Variants in ADCY3 observed in about 807,000 individuals in gnomAD.
ADCY3 encodes the protein adenylate cyclase type 3.
ADCY3 carries 70 observed loss-of-function variants against 119.4 expected under a neutral mutation model. The ratio of observed to expected loss-of-function variants is 0.59; its 90% CI spans 0.48 to 0.72. The LOEUF (loss-of-function observed/expected upper bound fraction) is 0.72, where lower values mean the gene tolerates loss of function less well. ADCY3 is among the 30% of genes least tolerant of loss of function. The pLI is 0.00. For synonymous variants in ADCY3, 672 were observed against 621.4 expected (o/e 1.08, Z -1.21); for missense variants, 1,238 against 1,541.6 (o/e 0.80, Z 3.30).
intron 21 of ADCY3, 44 bp from the exon 22 acceptor site, chr2:24,820,158 C>CAAGAA: frequency 6.8e-7 from 1 of 1,477,142 alleles, no homozygotes; most frequent in East Asian, 2.3e-5. Flanking sequence ...ACGGGGGGAG[C>CAAGAA]CTAGACTGAG....
At position 24,841,533 on chromosome 2, in the gene ADCY3, G is replaced by T; in HGVS notation, c.1068+23C>A. On this transcript the variant is annotated intron_variant, in intron 5 of 21. Coordinates refer to ENST00000679454, the MANE Select transcript of ADCY3 (RefSeq NM_004036.5). The surrounding 1 kb of genome is among the most constrained non-coding windows in gnomAD (Gnocchi z 5.8). ...CCATGAGGGCAGGCCCCGCTGGAGA[G>T]CCAGGCGGGGCCAGGGACTTACAGC... 7.5e-6 allele frequency: 12 copies of T among 1,601,606 alleles called. No homozygotes were observed. The highest frequency in any genetic ancestry group is 9.4e-6 in the Non-Finnish European group (11 of 1,171,494).
chr2:24,911,012 A>G (rs1457825603), intron 2 of ADCY3, among the ~76,000 whole-genome samples: 1 of 151,922 alleles, frequency 6.6e-6, no homozygotes, highest in African/African-American at 2.4e-5. Context: ...ATAATGTAAC[A>G]ACGCCTCCTA....
intron 15 of ADCY3, 66 bp downstream of exon 15, chr2:24,827,480 G>C (rs187117013): frequency 2.9e-4 from 437 of 1,529,364 alleles, no homozygotes; most frequent in Non-Finnish European, 3.7e-4. Flanking sequence ...GCTTGGGCCT[G>C]TTATATTCCT....
chr2:24,850,166 G>C (rs1672128112), intron 3 of ADCY3, among the ~76,000 whole-genome samples: 2 of 152,098 alleles, frequency 1.3e-5, no homozygotes, highest in East Asian at 3.9e-4. Context: ...AGGGGTGTCT[G>C]TTCCTCCCTC....
chr2:24,865,489 CTGTGTGTGTGTGTGTGTGTGTG>C (rs3222240), intron 3 of ADCY3, among the ~76,000 whole-genome samples: 15 of 140,528 alleles, frequency 1.1e-4, no homozygotes, highest in African/African-American at 1.5e-4. Flanking sequence ...AGGCTATCAT[CTGTGTGTGTGTGTGTGTGTGTG>C]TGTGTGTGTG....
intron 2 of ADCY3, among the ~76,000 whole-genome samples, chr2:24,873,363 A>C (rs1053493219): frequency 3.9e-5 from 6 of 152,190 alleles, no homozygotes; most frequent in African/African-American, 1.4e-4. Flanking sequence ...AGGGGTGCCC[A>C]GTACCAATAC....
rs1375885597 is a variant in ADCY3, at chr2:24,834,518, C to T, written c.1934G>A (p.Cys645Tyr). 3 of 1,613,400 alleles carry T rather than the reference C, an allele frequency of 1.9e-6. No individual in the cohort carries two copies. The Admixed American group carries it at 5.0e-5, about 27-fold the overall frequency. Residue 645 changes from cysteine (C) to tyrosine (Y), a missense_variant, in exon 11 of 22, where the codon TGC becomes TAC. Physicochemically the swap from Cys to Tyr is radical, Grantham distance 194 (BLOSUM62 -2). This residue lies in a region of ADCY3 where 499 missense variants were observed against 571.0 expected (regional missense o/e 0.87). Coordinates refer to ENST00000679454, the MANE Select transcript of ADCY3 (RefSeq NM_004036.5). The surrounding 1 kb of genome is among the most constrained non-coding windows in gnomAD (Gnocchi z 4.2). ...GATGAGTATCTCGACCAGGGCCGTG[C>T]AGAGCAGGACGACGCAGGAGCAGCT... ...AFSCSCVVLL[C>Y]TALVEILIDP... is the part of the protein sequence containing the mutation.
intron 3 of ADCY3, among the ~76,000 whole-genome samples, chr2:24,865,486 CATCTG>C (rs1558472076): frequency 8.9e-6 from 1 of 112,936 alleles, no homozygotes; most frequent in Non-Finnish European, 1.9e-5. Context: ...AATAGGCTAT[CATCTG>C]TGTGTGTGTG....
intron 8 of ADCY3, 101 bp from the exon 9 acceptor site, chr2:24,837,146 G>A: frequency 1.5e-6 from 2 of 1,318,344 alleles, no homozygotes; most frequent in Non-Finnish European, 2.1e-6. Context: ...GGATTAGAGA[G>A]CAATCTGAGG....
intron 2 of ADCY3, among the ~76,000 whole-genome samples, chr2:24,909,238 A>G (rs1663285150): frequency 6.6e-6 from 1 of 152,148 alleles, no homozygotes; most frequent in Non-Finnish European, 1.5e-5. Context: ...AGCCTCCTGC[A>G]CCATGTCGAC....
chr2:24,849,558 A>G (rs941962399), intron 3 of ADCY3, among the ~76,000 whole-genome samples: 3 of 152,228 alleles, frequency 2.0e-5, no homozygotes, highest in African/African-American at 7.2e-5. Context: ...TCAAACTTAA[A>G]TAACAAGAAA....
intron 2 of ADCY3, among the ~76,000 whole-genome samples, chr2:24,915,149 C>G (rs192547159): frequency 4.8e-4 from 73 of 152,316 alleles, no homozygotes; most frequent in Admixed American, 8.5e-4. Context: ...ACAGCAGCAA[C>G]AAAACCACAA....
At chr2:24,904,356 C>G (rs1251440575) in intron 2 of ADCY3, among the ~76,000 whole-genome samples, 3 of 151,836 alleles carry the variant, frequency 2.0e-5, no homozygotes, top group African/African-American at 7.3e-5. Flanking sequence ...ATGGCGAAAC[C>G]CCATCTCTAC....
At chr2:24,862,666 G>A (rs1260518435) in intron 3 of ADCY3, among the ~76,000 whole-genome samples, 3 of 152,054 alleles carry the variant, frequency 2.0e-5, no homozygotes, top group African/African-American at 7.2e-5. Flanking sequence ...GGCACAACAT[G>A]GTGAGTGTAC....
intron 7 of ADCY3, 98 bp from the exon 8 acceptor site, chr2:24,838,720 G>A (rs1172635463): frequency 1.8e-5 from 28 of 1,586,996 alleles, no homozygotes; most frequent in Non-Finnish European, 2.2e-5. Flanking sequence ...GCTGCTGCTC[G>A]GCCCCGTGTC....
At position 24,823,194 on chromosome 2, in the gene ADCY3, G is replaced by A. The variant is rs897000384; in HGVS notation, c.2883+15C>T. Reference sequence around the variant, plus strand: ...CGGCTTCATGGCCAGAGTGCAGGGTGGGATGGGCACTCACAGAGTCAAAAT... The same window carrying A: ...CGGCTTCATGGCCAGAGTGCAGGGTAGGATGGGCACTCACAGAGTCAAAAT... On this transcript the variant is annotated intron_variant, in intron 18 of 21. Transcript: ENST00000679454. 8.1e-6 allele frequency: 13 copies of A among 1,610,204 alleles called. No individual in the cohort carries two copies. The highest frequency in any genetic ancestry group is 2.0e-4 in the Middle Eastern group (1 of 4,950).
In ADCY3 at chr2:24,919,015, G is replaced by C. The variant is rs1192061214; in HGVS notation, c.-28C>G. ...TGGCTGGTGTCTGCTACTGGCCCTAGAGAAGTGGACTGGGAACGGAGGAAG... is the reference window on the plus strand; with the variant it reads ...TGGCTGGTGTCTGCTACTGGCCCTACAGAAGTGGACTGGGAACGGAGGAAG... On this transcript the variant is annotated 5_prime_UTR_variant, in exon 2 of 22. Transcript: ENST00000679454. The surrounding 1 kb of genome is among the most constrained non-coding windows in gnomAD (Gnocchi z 5.5). 6.6e-7 allele frequency: 1 copy of C among 1,522,858 alleles called. No homozygotes were observed. The highest frequency in any genetic ancestry group is 1.2e-5 in the South Asian group (1 of 81,648). The allele number at this position is 1,522,858 out of a possible 1,614,324, so 94.3% of individuals were successfully genotyped here. A position where few individuals can be genotyped will look rare whatever the true frequency, so the allele number is the denominator to read the frequency against.
chr2:24,832,791 G>A (rs929534316), intron 11 of ADCY3, among the ~76,000 whole-genome samples: 1 of 152,150 alleles, frequency 6.6e-6, no homozygotes, highest in Non-Finnish European at 1.5e-5. Context: ...ATGGATGCTG[G>A]CCTCCTTGGC....
rs148888974 is a variant in ADCY3 at position 24,845,439 on chromosome 2, T to C, written c.826-3055A>G. On this transcript the variant is annotated intron_variant, in intron 3 of 21. Coordinates refer to ENST00000679454, the MANE Select transcript of ADCY3 (RefSeq NM_004036.5). Reference sequence around the variant, plus strand: ...GGAACTGGAGCAAAGGTGACTGTTATGTTTTAGCAAAGAGATTGGTGGCAT... The same window carrying C: ...GGAACTGGAGCAAAGGTGACTGTTACGTTTTAGCAAAGAGATTGGTGGCAT... Among the ~76,000 whole-genome samples the C allele has an allele frequency of 6.2e-3, 944 of 152,358 alleles. 11 individuals are homozygous for C. Among genetic ancestry groups the C allele is most frequent in the African/African-American group, 0.019 (809 of 41,576 alleles).
Sources: allele counts gnomAD v4.1 joint callset (sites outside exome capture counted in the v4.1 genomes callset), GRCh38; gene constraint gnomAD v4.1.1; regional missense constraint gnomAD v4.1.1; non-coding constraint Gnocchi (gnomAD v3.1); transcripts MANE v1.5; gene names NCBI Gene and HGNC (gene_info 2026-07-23, HGNC 2026-07-21).